The following DYM variants were observed in gnomAD, a reference collection of about 807,000 sequenced individuals.
DYM encodes the protein dymeclin, also known as dyggve-Melchior-Clausen syndrome protein.
DYM carries 78 observed loss-of-function variants against 93.1 expected under a neutral mutation model. The ratio of observed to expected loss-of-function variants is 0.84; its 90% confidence interval spans 0.70 to 1.01. DYM has a LOEUF of 1.01. Among genes scored for constraint, DYM ranks in the 50% least tolerant of loss-of-function variants. The probability of loss-of-function intolerance (pLI) is 0.00; values close to 1 mark genes in which losing one functional copy is unlikely to be tolerated. For synonymous variants in DYM, 321 were observed against 319.7 expected, an observed-to-expected ratio of 1.00 and a Z score of -0.04; for missense variants, 789 against 845.0, an observed-to-expected ratio of 0.93 and a Z score of 0.82.
chr18:49,238,459 AAT>A (rs910420097), intron 13 of DYM, among the ~76,000 whole-genome samples: 14 of 151,688 alleles, frequency 9.2e-5, no homozygotes, highest in African/African-American at 3.4e-4. Context: ...AGTATATAAT[AAT>A]ATTATTTCTT....
chr18:49,393,034 A>AGGAGGAGGAGGAGG (rs2069497028), intron 2 of DYM, among the ~76,000 whole-genome samples: 1 of 96,420 alleles, frequency 1.0e-5, no homozygotes, highest in Non-Finnish European at 2.1e-5. Context: ...AAGAAGGAGG[A>AGGAGGAGGAGGAGG]GGAGGAGGAG....
At chr18:49,344,632 A>G (rs910094813) in intron 6 of DYM, among the ~76,000 whole-genome samples, 1 of 152,214 alleles carries the variant, frequency 6.6e-6, no homozygotes, top group African/African-American at 2.4e-5. Context: ...GTAAGTTAGT[A>G]ATAGGACTTC....
At chr18:49,197,896 GAA>G (rs2091625811) in intron 14 of DYM, among the ~76,000 whole-genome samples, 1 of 152,060 alleles carries the variant, frequency 6.6e-6, no homozygotes, top group East Asian at 1.9e-4. Context: ...AGTTCATATG[GAA>G]CCAAAAAAGA....
At chr18:49,228,496 C>T (rs962729482) in intron 13 of DYM, among the ~76,000 whole-genome samples, 1 of 152,136 alleles carries the variant, frequency 6.6e-6, no homozygotes, top group Non-Finnish European at 1.5e-5. Flanking sequence ...TTATAATCAT[C>T]CCTGGTCCCC....
At position 49,258,360 on chromosome 18, in the gene DYM, A is replaced by C; in HGVS notation, c.1365+20T>G. 6.7e-7 allele frequency: 1 copy of C among 1,501,838 alleles called. No homozygotes were observed. The highest frequency in any genetic ancestry group is 9.3e-7 in the Non-Finnish European group (1 of 1,077,630). 93.0% of individuals were successfully genotyped at this position (1,501,838 alleles called of 1,614,324 possible). A position where few individuals can be genotyped will look rare whatever the true frequency, so the allele number is the denominator to read the frequency against. ...TTGTACTGTATGCAAAAAAGATAGA[A>C]TAGCAGCTGGAATACTTACTCGTGT... On this transcript the variant is annotated intron_variant, in intron 12 of 17. Coordinates refer to ENST00000675505, the MANE Select transcript of DYM (RefSeq NM_001353214.3).
At chr18:49,118,323 A>G (rs996968835) in intron 16 of DYM, among the ~76,000 whole-genome samples, 8 of 152,114 alleles carry the variant, frequency 5.3e-5, no homozygotes, top group African/African-American at 1.9e-4. Flanking sequence ...TTGAGATAAG[A>G]CTTATTTATA....
chr18:49,421,407 C>G (rs2073693527), intron 2 of DYM, among the ~76,000 whole-genome samples: 1 of 152,190 alleles, frequency 6.6e-6, no homozygotes, highest in African/African-American at 2.4e-5. Flanking sequence ...GGACCTCCAG[C>G]AAACTCCAAC....
chr18:49,325,081 A>C (rs905759010), intron 8 of DYM, among the ~76,000 whole-genome samples: 11 of 152,160 alleles, frequency 7.2e-5, no homozygotes, highest in African/African-American at 2.7e-4. Context: ...CGGGATAATA[A>C]TAATCCAGGG....
intron 2 of DYM, among the ~76,000 whole-genome samples, chr18:49,409,301 AAAAAAAAG>A (rs1157392221): frequency 1.3e-5 from 2 of 150,314 alleles, no homozygotes; most frequent in African/African-American, 4.9e-5. Context: ...AAAAAAAAAG[AAAAAAAAG>A]AAAAAAACTT....
At chr18:49,053,372 A>G (rs1476987356) in intron 17 of DYM, among the ~76,000 whole-genome samples, 3 of 152,192 alleles carry the variant, frequency 2.0e-5, no homozygotes, top group Non-Finnish European at 4.4e-5. Flanking sequence ...TTCCACCTAA[A>G]GATGATATAA....
intron 17 of DYM, among the ~76,000 whole-genome samples, chr18:49,079,403 T>A (rs975190542): frequency 2.0e-4 from 31 of 151,896 alleles, no homozygotes; most frequent in Admixed American, 2.6e-4. Flanking sequence ...CTTTTTTTTT[T>A]TTTTTATTTT....
At chr18:49,373,838 C>T (rs1381126344) in intron 5 of DYM, among the ~76,000 whole-genome samples, 2 of 152,132 alleles carry the variant, frequency 1.3e-5, no homozygotes, top group Non-Finnish European at 2.9e-5. Context: ...AACATTCACT[C>T]CATTCTTGCT....
intron 8 of DYM, among the ~76,000 whole-genome samples, chr18:49,326,380 A>G (rs2062878195): frequency 6.6e-6 from 1 of 152,112 alleles, no homozygotes; most frequent in African/African-American, 2.4e-5. Context: ...TGCACCTAGC[A>G]TAGATATAAC....
intron 1 of DYM, among the ~76,000 whole-genome samples, chr18:49,433,412 T>C (rs1158338846): frequency 6.6e-6 from 1 of 152,232 alleles, no homozygotes; most frequent in East Asian, 1.9e-4. Context: ...ATGATATAAA[T>C]ACTAAATATT....
At chr18:49,203,871 T>TAAAAAAAAAAAA (rs71165370) in intron 14 of DYM, among the ~76,000 whole-genome samples, 8 of 63,536 alleles carry the variant, frequency 1.3e-4, no homozygotes, top group East Asian at 6.1e-4. Context: ...TTTAAAAAAG[T>TAAAAAAAAAAAA]AAAAAAAAAA....
intron 11 of DYM, among the ~76,000 whole-genome samples, chr18:49,269,907 T>G (rs533217414): frequency 8.3e-4 from 127 of 152,362 alleles, no homozygotes; most frequent in African/African-American, 2.7e-3. Flanking sequence ...ATTCAGTCAG[T>G]GCCACTTCCA....
chr18:49,421,613 C>A (rs1371134121), intron 2 of DYM, among the ~76,000 whole-genome samples: 1 of 152,222 alleles, frequency 6.6e-6, no homozygotes, highest in Non-Finnish European at 1.5e-5. Flanking sequence ...AGGAACGCAG[C>A]TCCTCGCCAG....
intron 2 of DYM, among the ~76,000 whole-genome samples, chr18:49,406,524 G>A (rs978790409): frequency 4.6e-5 from 7 of 152,082 alleles, no homozygotes; most frequent in African/African-American, 1.7e-4. Context: ...TCATGCCACT[G>A]CACTCTAGCC....
chr18:49,324,256 T>C (rs1430965558), intron 8 of DYM, among the ~76,000 whole-genome samples: 2 of 148,558 alleles, frequency 1.3e-5, no homozygotes, highest in African/African-American at 4.9e-5. Flanking sequence ...AGGCTACCCA[T>C]AATACTGATA....
Sources: gnomAD v4.1 joint callset for allele counts (sites outside exome capture counted in the v4.1 genomes callset) on GRCh38, gnomAD v4.1.1 for gene constraint, MANE v1.5 for transcripts, NCBI Gene and HGNC (gene_info 2026-07-23, HGNC 2026-07-21) for gene names.